CCND3: variants seen among roughly 807,000 people sequenced by gnomAD.
The protein encoded by CCND3 is cyclin D3, also known as G1/S-specific cyclin-D3.
Under a neutral mutation model 28.7 loss-of-function variants are expected in CCND3, and 9 were observed. The observed-to-expected ratio is 0.31, with a 90% CI of 0.19 to 0.55. The LOEUF is 0.55. Among genes scored for constraint, CCND3 ranks in the 20% least tolerant of loss-of-function variants. The pLI, the probability that CCND3 is intolerant of heterozygous loss-of-function variation, is 0.93. For missense variants in CCND3, 315 were observed against 385.8 expected, an observed-to-expected ratio of 0.82 and a Z score of 1.54; for synonymous variants, 164 against 163.9, an observed-to-expected ratio of 1.00 and a Z score of 0.00.
Position 42,048,696 on chromosome 6 carries a change from C to A in CCND3, c.-241G>T. On this transcript the variant is annotated 5_prime_UTR_variant, in exon 1 of 5. Coordinates refer to the CCND3 transcript ENST00000372988. This position sits in a 1 kb window ranked among gnomAD's most constrained non-coding sequence, Gnocchi z 4.7. ...TGCAGTGGCGAAGTGTTTACAAAGTCCGCGCCGCGCCGCCGATCCAGAGCT... is the reference window on the plus strand; with the variant it reads ...TGCAGTGGCGAAGTGTTTACAAAGTACGCGCCGCGCCGCCGATCCAGAGCT... 1.9e-6 allele frequency: 1 copy of A among 516,222 alleles called. No homozygotes were observed. Among genetic ancestry groups the A allele is most frequent in the Non-Finnish European group, 3.9e-6 (1 of 258,880 alleles). The allele number at this position is 516,222 out of a possible 1,614,324, so 32.0% of individuals were successfully genotyped here.
intron 1 of CCND3, among the ~76,000 whole-genome samples, chr6:42,037,204 T>C (rs1388325442): frequency 6.6e-6 from 1 of 151,960 alleles, no homozygotes; most frequent in Admixed American, 6.6e-5. Flanking sequence ...CCTCCCAAAG[T>C]GTTGGGATTA....
intron 1 of CCND3, among the ~76,000 whole-genome samples, chr6:42,045,408 T>C (rs1422496590): frequency 6.6e-6 from 1 of 152,222 alleles, no homozygotes; most frequent in South Asian, 2.1e-4. Context: ...AGGTGTTTAC[T>C]ACCTAGAGTT....
At chr6:41,952,846 G>A (rs1015051343) in intron 1 of CCND3, among the ~76,000 whole-genome samples, 3 of 151,322 alleles carry the variant, frequency 2.0e-5, no homozygotes, top group African/African-American at 7.3e-5. Context: ...TGAAACGTGG[G>A]ATTTCATCAA....
At chr6:41,972,078 A>G (rs1336915635) in intron 1 of CCND3, among the ~76,000 whole-genome samples, 1 of 150,682 alleles carries the variant, frequency 6.6e-6, no homozygotes, top group Admixed American at 6.6e-5. Context: ...ATACAAAAAA[A>G]TTAGCTGGGC....
intron 1 of CCND3, among the ~76,000 whole-genome samples, chr6:41,987,725 C>T (rs1762531385): frequency 6.6e-6 from 1 of 151,120 alleles, no homozygotes; most frequent in Non-Finnish European, 1.5e-5. Flanking sequence ...TGGTCTCGAA[C>T]TCTTGGGCTC....
Position 41,981,827 on chromosome 6 carries a change from G to A in CCND3, c.-45-41242C>T, listed in dbSNP as rs146641317. Among the ~76,000 whole-genome samples, 1,177 of 152,018 alleles carry A rather than the reference G, an allele frequency of 7.7e-3. 12 individuals are homozygous for A. The highest frequency in any genetic ancestry group is 0.014 in the Middle Eastern group (4 of 294). On this transcript the variant is annotated intron_variant, in intron 1 of 4. Transcript: ENST00000372988. Reference sequence around the variant, plus strand: ...GCCTGAGCCACTGTGCCCAGCCAAGGATATAAAGTTAATATACAAAAGTCA... The same window carrying A: ...GCCTGAGCCACTGTGCCCAGCCAAGAATATAAAGTTAATATACAAAAGTCA...
chr6:42,045,095 T>C (rs10948009), intron 1 of CCND3, among the ~76,000 whole-genome samples: 2,152 of 152,060 alleles, frequency 0.014, 55 homozygotes, highest in African/African-American at 0.049. Context: ...TGAGCCACTG[T>C]GCCCAGTGGC....
rs1010605657 is a variant in CCND3, at chr6:41,951,579, A to C, written c.-45-10994T>G. Among the ~76,000 whole-genome samples the C allele has an allele frequency of 8.7e-3, 1,283 of 148,278 alleles. 23 individuals are homozygous for C. The highest frequency in any genetic ancestry group is 0.018 in the South Asian group (76 of 4,170). The stretch of plus-strand genomic sequence containing the variant: ...ACACACACACACACACACACACAAA[A>C]AAAAAGATTAAGTGGGAGTAAGAAG... On this transcript the variant is annotated intron_variant, in intron 1 of 4. Coordinates refer to the CCND3 transcript ENST00000372988.
intron 1 of CCND3, among the ~76,000 whole-genome samples, chr6:42,001,820 T>G (rs958914705): frequency 6.6e-6 from 1 of 152,118 alleles, no homozygotes; most frequent in South Asian, 2.1e-4. Context: ...TTTACATTTG[T>G]CAAAATTCAT....
intron 1 of CCND3, among the ~76,000 whole-genome samples, chr6:41,987,326 C>T (rs1762505074): frequency 6.6e-6 from 1 of 151,924 alleles, no homozygotes; most frequent in Non-Finnish European, 1.5e-5. Context: ...ATATTGCTTC[C>T]TATTGAGAGG....
chr6:42,034,695 G>A (rs150475876), intron 1 of CCND3, among the ~76,000 whole-genome samples: 3,727 of 149,762 alleles, frequency 0.025, 166 homozygotes, highest in African/African-American at 0.085. Context: ...GGCCAGGATG[G>A]TCTCAATCTC....
chr6:42,025,291 A>C (rs1010011844), intron 1 of CCND3, among the ~76,000 whole-genome samples: 1 of 152,198 alleles, frequency 6.6e-6, no homozygotes, highest in Non-Finnish European at 1.5e-5. Context: ...GCCAAGCCCC[A>C]GGGAGAAGTC....
At chr6:41,967,835 G>C (rs1349071895) in intron 1 of CCND3, among the ~76,000 whole-genome samples, 1 of 152,150 alleles carries the variant, frequency 6.6e-6, no homozygotes, top group Non-Finnish European at 1.5e-5. Context: ...ACACACCCTG[G>C]TGGTTCTAAC....
At chr6:41,986,345 T>C (rs911957354) in intron 1 of CCND3, among the ~76,000 whole-genome samples, 2 of 149,458 alleles carry the variant, frequency 1.3e-5, no homozygotes, top group Admixed American at 6.9e-5. Context: ...GGAGATTGCA[T>C]TGCTCTGTAG....
intron 1 of CCND3, among the ~76,000 whole-genome samples, chr6:42,007,570 A>C (rs1763212058): frequency 6.6e-6 from 1 of 152,234 alleles, no homozygotes; most frequent in Non-Finnish European, 1.5e-5. Flanking sequence ...AGGGCCTAAC[A>C]ATCAGGGCCT....
chr6:41,980,857 T>C (rs1762325740), intron 1 of CCND3, among the ~76,000 whole-genome samples: 2 of 151,916 alleles, frequency 1.3e-5, no homozygotes, highest in South Asian at 4.2e-4. Flanking sequence ...CTCACCAAAT[T>C]AGGAATAGAG....
At chr6:41,942,071 TA>T (rs1365801669), upstream of CCND3, among the ~76,000 whole-genome samples, 1 of 152,200 alleles carries the variant, frequency 6.6e-6, no homozygotes, top group Non-Finnish European at 1.5e-5. Flanking sequence ...TCTCGGACTC[TA>T]GTCACCCAGG....
At chr6:41,998,475 A>G (rs1467983195) in intron 1 of CCND3, among the ~76,000 whole-genome samples, 2 of 150,686 alleles carry the variant, frequency 1.3e-5, no homozygotes, top group Admixed American at 6.6e-5. Context: ...CAGCCTCCTG[A>G]GTAGCTGGGA....
rs576887815 is a variant in CCND3 at position 41,935,918 on chromosome 6, A to C, written c.*22T>G. On this transcript the variant is annotated 3_prime_UTR_variant, in exon 5 of 5. Coordinates refer to ENST00000372991, the MANE Select transcript of CCND3 (RefSeq NM_001760.5). Reference sequence around the variant, plus strand: ...GCGGCCCCTCCTCTGCTTAGTGGCCACTCCAGAGGGCCTCTCCAGGGCTAC... The same window carrying C: ...GCGGCCCCTCCTCTGCTTAGTGGCCCCTCCAGAGGGCCTCTCCAGGGCTAC... 3 of 1,595,496 alleles carry C rather than the reference A, an allele frequency of 1.9e-6. No individual in the cohort carries two copies. The highest frequency in any genetic ancestry group is 2.3e-5 in the South Asian group (2 of 88,642).
Sources: gnomAD v4.1 joint callset for allele counts (sites outside exome capture counted in the v4.1 genomes callset) on GRCh38, gnomAD v4.1.1 for gene constraint, Gnocchi (gnomAD v3.1) non-coding constraint, MANE v1.5 for transcripts, NCBI Gene and HGNC (gene_info 2026-07-23, HGNC 2026-07-21) for gene names.